Variants in DYNC1LI1 observed in about 807,000 individuals in gnomAD.
The protein encoded by DYNC1LI1 is cytoplasmic dynein 1 light intermediate chain 1.
In DYNC1LI1, 19 loss-of-function variants were observed where a neutral mutation model predicts 63.8. The observed-to-expected ratio is 0.30, with a 90% CI of 0.21 to 0.44. The LOEUF is 0.44. Among genes scored for constraint, DYNC1LI1 ranks in the 20% least tolerant of loss-of-function variants. DYNC1LI1 has a pLI of 1.00. For missense variants in DYNC1LI1, 565 were observed against 630.2 expected, an observed-to-expected ratio of 0.90 and a Z score of 1.11; for synonymous variants, 225 against 232.3, an observed-to-expected ratio of 0.97 and a Z score of 0.28.
chr3:32,549,995 A>ATT lies in DYNC1LI1; in HGVS notation c.221-4032_221-4031dup, dbSNP rs576939313. ...GAAATCATATTATCTAGAAATAATC[A>ATT]TTGATAATTTGGTTATCTCTGATGG... On this transcript the variant is annotated intron_variant, in intron 2 of 12. Transcript: ENST00000273130. 1.6e-4 allele frequency among the ~76,000 whole-genome samples: 25 copies of ATT among 152,368 alleles called. 1 individual carries two copies. In the South Asian group the frequency reaches 5.2e-3, roughly 32 times the overall value.
At chr3:32,550,728 C>T (rs1347939288) in intron 2 of DYNC1LI1, among the ~76,000 whole-genome samples, 1 of 152,142 alleles carries the variant, frequency 6.6e-6, no homozygotes, top group African/African-American at 2.4e-5. Context: ...TACTGGGACC[C>T]ACCCCCTTAG....
chr3:32,537,327 TTA>T, intron 5 of DYNC1LI1: 1 of 263,400 alleles, frequency 3.8e-6, no homozygotes. Context: ...AACGTTAATG[TTA>T]AATCTGGTCA....
intron 2 of DYNC1LI1, among the ~76,000 whole-genome samples, chr3:32,558,552 C>CAATTA (rs1315286847): frequency 6.6e-6 from 1 of 151,638 alleles, no homozygotes; most frequent in Non-Finnish European, 1.5e-5. Flanking sequence ...TTCATAATAA[C>CAATTA]AATTAACAGG....
chr3:32,545,367 T>C (rs1697938388), intron 3 of DYNC1LI1: 3 of 493,666 alleles, frequency 6.1e-6, no homozygotes, highest in Non-Finnish European at 7.2e-6. Flanking sequence ...CTACTTCATA[T>C]TTCTTAATCC....
intron 2 of DYNC1LI1, among the ~76,000 whole-genome samples, chr3:32,563,903 A>C (rs564764848): frequency 6.6e-6 from 1 of 152,374 alleles, no homozygotes; most frequent in South Asian, 2.1e-4. Context: ...CATTTGTTCA[A>C]CAGATATTCA....
intron 7 of DYNC1LI1, among the ~76,000 whole-genome samples, chr3:32,534,070 G>T (rs1697741525): frequency 6.6e-6 from 1 of 151,204 alleles, no homozygotes; most frequent in Non-Finnish European, 1.5e-5. Flanking sequence ...TTAGAGAGGG[G>T]GTTTCGCCAT....
At chr3:32,548,610 G>A (rs1012795439) in intron 2 of DYNC1LI1, among the ~76,000 whole-genome samples, 7 of 152,176 alleles carry the variant, frequency 4.6e-5, no homozygotes, top group Admixed American at 3.3e-4. Flanking sequence ...GGGAGTTGGG[G>A]AGAGAGATGT....
At chr3:32,560,654 ACTTATC>A (rs1001110182) in intron 2 of DYNC1LI1, among the ~76,000 whole-genome samples, 47 of 151,982 alleles carry the variant, frequency 3.1e-4, no homozygotes, top group African/African-American at 1.1e-3. Context: ...AAAAAACAGA[ACTTATC>A]CTTAATCATT....
chr3:32,570,665 C>T lies in DYNC1LI1; in HGVS notation c.106G>A (p.Gly36Ser), dbSNP rs745817001. ...TCCTCGTCGTCGCCTGCCGCGGCGC[C>T]ACCGTTGCCCGACGCTATCTCGTTG... The part of the protein sequence containing the change: ...LGNEIASGNG[G>S]AAAGDDEDGQ... The change falls in exon 1 of 13, where the codon GGC becomes AGC. Residue 36 changes from glycine (G) to serine (S), a missense_variant. Physicochemically the swap from Gly to Ser is moderately conservative, Grantham distance 56. Coordinates refer to ENST00000273130, the MANE Select transcript of DYNC1LI1 (RefSeq NM_016141.4). 4.1e-5 allele frequency: 66 copies of T among 1,601,390 alleles called. No individual in the cohort carries two copies. The South Asian group carries it at 7.0e-4, about 17-fold the overall frequency.
Position 32,539,859 on chromosome 3 carries a change from GTATT to G in DYNC1LI1, c.738+1174_738+1177del, listed in dbSNP as rs1194144951. On this transcript the variant is annotated intron_variant, in intron 5 of 12. Coordinates refer to ENST00000273130, the MANE Select transcript of DYNC1LI1 (RefSeq NM_016141.4). ...TGATCTATTAATTATTTTTATTTATGTATTTATTTATTTATTTAATTTTGAGACA... is the reference window on the plus strand; with the variant it reads ...TGATCTATTAATTATTTTTATTTATGTATTTATTTATTTAATTTTGAGACA... 1.4e-3 allele frequency among the ~76,000 whole-genome samples: 212 copies of G among 147,522 alleles called. 2 individuals are homozygous for G. The highest frequency in any genetic ancestry group is 3.8e-3 in the African/African-American group (151 of 39,946).
At chr3:32,537,916 TTA>T (rs1326181296) in intron 5 of DYNC1LI1, among the ~76,000 whole-genome samples, 4 of 35,850 alleles carry the variant, frequency 1.1e-4, no homozygotes, top group Non-Finnish European at 1.5e-4. Flanking sequence ...TATATATAAT[TTA>T]TATATATAAT....
chr3:32,563,241 T>C (rs1360624189), intron 2 of DYNC1LI1, among the ~76,000 whole-genome samples: 2 of 151,660 alleles, frequency 1.3e-5, no homozygotes, highest in East Asian at 3.9e-4. Context: ...GTCCTGATTT[T>C]ACAAATAAAG....
In DYNC1LI1 at chr3:32,563,800, A is replaced by T. The variant is rs115617136; in HGVS notation, c.220+6546T>A. Among the ~76,000 whole-genome samples the T allele has an allele frequency of 8.8e-3, 1,346 of 152,304 alleles. 17 individuals carry two copies. The highest frequency in any genetic ancestry group is 0.027 in the African/African-American group (1,126 of 41,540). On this transcript the variant is annotated intron_variant, in intron 2 of 12. Coordinates refer to ENST00000273130, the MANE Select transcript of DYNC1LI1 (RefSeq NM_016141.4). ...GCTTTTGACAGTAGCACTGGGGGAA[A>T]TATTATATGAAGTCCTCTTAACAAT... is the stretch of plus-strand genomic sequence containing the variant.
intron 2 of DYNC1LI1, among the ~76,000 whole-genome samples, chr3:32,567,173 C>T (rs1365892847): frequency 6.6e-6 from 1 of 152,208 alleles, no homozygotes; most frequent in African/African-American, 2.4e-5. Context: ...GTTAGAAATC[C>T]ATGCCAGAGT....
At chr3:32,560,712 A>ATT (rs1698178329) in intron 2 of DYNC1LI1, among the ~76,000 whole-genome samples, 3 of 152,068 alleles carry the variant, frequency 2.0e-5, no homozygotes, top group Non-Finnish European at 4.4e-5. Flanking sequence ...ATTAAAAATA[A>ATT]CATTTAGTTG....
chr3:32,569,394 C>T (rs1698310301), intron 2 of DYNC1LI1, among the ~76,000 whole-genome samples: 2 of 152,278 alleles, frequency 1.3e-5, no homozygotes, highest in Admixed American at 6.5e-5. Context: ...TATTTAACCA[C>T]GCAGCCTATC....
chr3:32,545,512 G>A (rs1218608677), intron 3 of DYNC1LI1: 2 of 334,886 alleles, frequency 6.0e-6, no homozygotes, highest in African/African-American at 4.4e-5. Flanking sequence ...TAAAAAAGCT[G>A]AGTAGATAAT....
intron 8 of DYNC1LI1, chr3:32,530,739 T>A: frequency 2.1e-6 from 1 of 487,324 alleles, no homozygotes; most frequent in South Asian, 3.3e-5. Flanking sequence ...TCTGTGCTGT[T>A]CAATATGGCA....
intron 2 of DYNC1LI1, among the ~76,000 whole-genome samples, chr3:32,550,275 T>C (rs1698015892): frequency 6.6e-6 from 1 of 152,068 alleles, no homozygotes; most frequent in Non-Finnish European, 1.5e-5. Context: ...CTACTAAAAA[T>C]ACAAAATTAG....
Sources: allele counts gnomAD v4.1 joint callset (sites outside exome capture counted in the v4.1 genomes callset), GRCh38; gene constraint gnomAD v4.1.1; transcripts MANE v1.5; gene names NCBI Gene and HGNC (gene_info 2026-07-23, HGNC 2026-07-21).